The following COBL variants were observed in gnomAD, a reference collection of about 807,000 sequenced individuals.
COBL encodes the protein protein cordon-bleu.
Under a neutral mutation model 98.8 loss-of-function variants are expected in COBL, and 51 were observed. The ratio of observed to expected loss-of-function variants is 0.52; its 90% confidence interval spans 0.41 to 0.65. COBL has a LOEUF of 0.65. Ranked by LOEUF, COBL falls within the 30% of genes least tolerant of loss-of-function variation. COBL has a pLI of 0.00. For synonymous variants in COBL, 634 were observed against 651.7 expected, an observed-to-expected ratio of 0.97 and a Z score of 0.41; for missense variants, 1,617 against 1,617.5, an observed-to-expected ratio of 1.00 and a Z score of 0.01.
At chr7:51,064,066 AC>A (rs1202258006) in intron 7 of COBL, among the ~76,000 whole-genome samples, 2 of 152,174 alleles carry the variant, frequency 1.3e-5, no homozygotes, top group Non-Finnish European at 2.9e-5. Flanking sequence ...TTGTGGAGCA[AC>A]CTGGTTGTCT....
chr7:51,262,573 G>A (rs767162522), intron 1 of COBL, among the ~76,000 whole-genome samples: 14 of 152,226 alleles, frequency 9.2e-5, no homozygotes, highest in Non-Finnish European at 1.6e-4. Context: ...GGGAAGTCAC[G>A]ACAGGCAGCG....
chr7:51,210,842 AT>A, intron 2 of COBL, among the ~76,000 whole-genome samples: 2 of 152,222 alleles, frequency 1.3e-5, no homozygotes, highest in Non-Finnish European at 2.9e-5. Flanking sequence ...ACTGGCTGAC[AT>A]TTTCAAATGC....
In COBL at chr7:51,136,108, C is replaced by T. The variant is rs569269423; in HGVS notation, c.957+50G>A. Reference sequence around the variant, plus strand: ...TCCCAGGGAGCTTTGGAACAATCAACTGTGTCACTGAAAAGATGCTTTGGT... The same window carrying T: ...TCCCAGGGAGCTTTGGAACAATCAATTGTGTCACTGAAAAGATGCTTTGGT... On this transcript the variant is annotated intron_variant, in intron 6 of 12. Transcript: ENST00000265136. The T allele has an allele frequency of 2.5e-5, 39 of 1,572,928 alleles. No homozygotes were observed. In the African/African-American group the frequency reaches 5.1e-4, roughly 21 times the overall value.
At position 51,085,355 on chromosome 7, in the gene COBL, AGTACAAAGAAGGC is replaced by A. The variant is rs1311489346; in HGVS notation, c.958-64_958-52del. The A allele has an allele frequency of 6.3e-6, 3 of 477,948 alleles. No homozygotes were observed. In the African/African-American group the frequency reaches 1.9e-4, roughly 30 times the overall value. The allele number at this position is 477,948 out of a possible 1,614,324, so 29.6% of individuals were successfully genotyped here. A position where few individuals can be genotyped will look rare whatever the true frequency, so the allele number is the denominator to read the frequency against. The stretch of plus-strand genomic sequence containing the variant: ...CAATCAAAGTACTTTGTACCTATGA[AGTACAAAGAAGGC>A]AGTATTAGGGTGATTGTGCTGGGGC... On this transcript the variant is annotated intron_variant, in intron 6 of 12. Transcript: ENST00000265136.
At chr7:51,305,559 G>GT (rs34032112) in intron 1 of COBL, among the ~76,000 whole-genome samples, 60,063 of 151,998 alleles carry the variant, frequency 0.4, 12,190 homozygotes, top group South Asian at 0.44. Context: ...TTCTGCACAG[G>GT]TAAGTGAAAC....
chr7:51,118,389 G>C (rs1243542015), intron 6 of COBL, among the ~76,000 whole-genome samples: 1 of 152,072 alleles, frequency 6.6e-6, no homozygotes, highest in African/African-American at 2.4e-5. Context: ...GGAAGGCTCA[G>C]TGGGGTTGTT....
At chr7:51,148,162 G>A (rs774385265) in intron 5 of COBL, among the ~76,000 whole-genome samples, 53 of 152,218 alleles carry the variant, frequency 3.5e-4, no homozygotes, top group African/African-American at 1.0e-3. Context: ...CTAATTAGAC[G>A]GAGAGGAGAG....
intron 7 of COBL, among the ~76,000 whole-genome samples, chr7:51,073,651 T>G (rs1176976011): frequency 6.6e-6 from 1 of 152,188 alleles, no homozygotes; most frequent in African/African-American, 2.4e-5. Context: ...GGTTGGTCTT[T>G]CAGGTTGCCA....
At chr7:51,199,721 C>T (rs139543125) in intron 2 of COBL, among the ~76,000 whole-genome samples, 2 of 150,356 alleles carry the variant, frequency 1.3e-5, no homozygotes, top group African/African-American at 4.9e-5. Flanking sequence ...AAAACCTGAT[C>T]GTGTAGGAAA....
intron 6 of COBL, among the ~76,000 whole-genome samples, chr7:51,093,372 T>G (rs1321231293): frequency 6.6e-6 from 1 of 152,156 alleles, no homozygotes; most frequent in Non-Finnish European, 1.5e-5. Flanking sequence ...CAAAAAAAGA[T>G]GAATGAACCC....
At chr7:51,205,633 T>C (rs1274021334) in intron 2 of COBL, among the ~76,000 whole-genome samples, 8 of 135,734 alleles carry the variant, frequency 5.9e-5, no homozygotes, top group Non-Finnish European at 9.5e-5. Flanking sequence ...TTTGTTTTTG[T>C]TTTTTGGTTT....
At chr7:51,023,665 G>T (rs1027377231) in intron 12 of COBL, among the ~76,000 whole-genome samples, 1 of 152,248 alleles carries the variant, frequency 6.6e-6, no homozygotes, top group African/African-American at 2.4e-5. Flanking sequence ...CAGCAAGGCT[G>T]CCGGCCGGGT....
Position 51,029,147 on chromosome 7 carries a change from T to C in COBL, c.1949A>G (p.Lys650Arg), listed in dbSNP as rs745313505. 12 of 1,614,168 alleles carry C rather than the reference T, an allele frequency of 7.4e-6. No homozygotes were observed. The highest frequency in any genetic ancestry group is 1.7e-5 in the Admixed American group (1 of 60,012). The change falls in exon 10 of 13, where the codon AAA becomes AGA. Residue 650 changes from lysine (K) to arginine (R), a missense_variant. Physicochemically the swap from Lys to Arg is conservative, Grantham distance 26. Coordinates refer to ENST00000265136, the MANE Select transcript of COBL (RefSeq NM_015198.5). Reference protein sequence around the residue: ...TDNLNAKVKDKVYGCADGERT... With the variant: ...TDNLNAKVKDRVYGCADGERT... ...CTCCCCGTCAGCACAGCCATACACT[T>C]TGTCTTTCACTTTTGCATTTAGGTT...
In COBL at chr7:51,027,814, T is replaced by G; in HGVS notation, c.3282A>C (p.Lys1094Asn). Reference protein sequence around the residue: ...WPPSIFGPKKKFKPVVQRPVP... With the variant: ...WPPSIFGPKKNFKPVVQRPVP... Reference sequence around the variant, plus strand: ...CTGGTCTCTGGACAACAGGTTTGAATTTTTTCTTCGGCCCAAAAATGCTGG... The same window carrying G: ...CTGGTCTCTGGACAACAGGTTTGAAGTTTTTCTTCGGCCCAAAAATGCTGG... The change falls in exon 10 of 13, where the codon AAA becomes AAC. Residue 1094 changes from lysine (K) to asparagine (N), a missense_variant. This residue lies in a region of COBL where 1,304 missense variants were observed against 1,282.0 expected (regional missense o/e 1.02). Transcript: ENST00000265136. 4 of 1,614,226 alleles carry G rather than the reference T, an allele frequency of 2.5e-6. No individual in the cohort carries two copies. The highest frequency in any genetic ancestry group is 3.4e-6 in the Non-Finnish European group (4 of 1,180,050).
chr7:51,113,597 T>C (rs1165885191), intron 6 of COBL, among the ~76,000 whole-genome samples: 1 of 152,212 alleles, frequency 6.6e-6, no homozygotes, highest in East Asian at 1.9e-4. Flanking sequence ...CACAAAAATA[T>C]TGTGCTTCTT....
chr7:51,108,324 C>T (rs1192394478), intron 6 of COBL, among the ~76,000 whole-genome samples: 1 of 152,144 alleles, frequency 6.6e-6, no homozygotes, highest in African/African-American at 2.4e-5. Context: ...CTGTGTGGCT[C>T]GTTGCTGTGC....
At chr7:51,061,240 G>A (rs954511647) in intron 7 of COBL, among the ~76,000 whole-genome samples, 1 of 152,152 alleles carries the variant, frequency 6.6e-6, no homozygotes, top group Non-Finnish European at 1.5e-5. Context: ...TTGTGTGTGT[G>A]TGTGTGTATA....
chr7:51,096,508 T>C (rs1399222015), intron 6 of COBL, among the ~76,000 whole-genome samples: 1 of 151,568 alleles, frequency 6.6e-6, no homozygotes, highest in East Asian at 1.9e-4. Context: ...AAGGCAGAAA[T>C]AAATGAAATA....
chr7:51,147,142 G>C (rs913440458), intron 5 of COBL, among the ~76,000 whole-genome samples: 1 of 152,216 alleles, frequency 6.6e-6, no homozygotes, highest in Non-Finnish European at 1.5e-5. Context: ...CCTCCAAGCT[G>C]TGTCAGCCCT....
Sources: allele counts gnomAD v4.1 joint callset (sites outside exome capture counted in the v4.1 genomes callset), GRCh38; gene constraint gnomAD v4.1.1; regional missense constraint gnomAD v4.1.1; transcripts MANE v1.5; gene names NCBI Gene and HGNC (gene_info 2026-07-23, HGNC 2026-07-21).